TDRD5: variants seen among roughly 807,000 people sequenced by gnomAD.
The protein encoded by TDRD5 is tudor domain-containing protein 5.
Under a neutral mutation model 120.6 loss-of-function variants are expected in TDRD5, and 41 were observed. That is an observed-to-expected ratio of 0.34 (90% CI 0.26 to 0.44). The LOEUF is 0.44. TDRD5 is among the 20% of genes least tolerant of loss of function. TDRD5 has a pLI of 1.00. For synonymous variants in TDRD5, 430 were observed against 433.7 expected (o/e 0.99, Z 0.11); for missense variants, 1,006 against 1,221.2 (o/e 0.82, Z 2.63).
intron 8 of TDRD5, 89 bp from the exon 9 acceptor site, chr1:179,635,578 A>G (rs1487369344): frequency 1.7e-6 from 2 of 1,165,078 alleles, no homozygotes; most frequent in Non-Finnish European, 1.2e-6. Flanking sequence ...ATTCTGATAA[A>G]GGTGATTCAT....
At chr1:179,680,928 C>CA (rs1486302487) in intron 17 of TDRD5, among the ~76,000 whole-genome samples, 7 of 152,082 alleles carry the variant, frequency 4.6e-5, no homozygotes, top group Non-Finnish European at 1.0e-4. Context: ...AATGGACAAA[C>CA]AAAAAACAAA....
intron 15 of TDRD5, 36 bp from the exon 16 acceptor site, chr1:179,663,312 T>G (rs772917018): frequency 1.9e-6 from 3 of 1,582,770 alleles, no homozygotes; most frequent in South Asian, 2.3e-5. Flanking sequence ...ATGTTGCACT[T>G]TATCTCAGTC....
chr1:179,629,439 C>T (rs1249625199), intron 6 of TDRD5, among the ~76,000 whole-genome samples: 3 of 143,698 alleles, frequency 2.1e-5, no homozygotes, highest in Admixed American at 7.3e-5. Context: ...GGGAAAAATA[C>T]ACTAATTGAG....
intron 16 of TDRD5, among the ~76,000 whole-genome samples, chr1:179,668,462 G>A (rs1679667489): frequency 2.0e-5 from 3 of 152,194 alleles, no homozygotes; most frequent in Admixed American, 6.5e-5. Context: ...CTCTGTAAAA[G>A]CATTATGCTA....
intron 4 of TDRD5, among the ~76,000 whole-genome samples, chr1:179,605,971 TA>T (rs1442074308): frequency 1.6e-4 from 25 of 152,226 alleles, no homozygotes; most frequent in African/African-American, 6.0e-4. Flanking sequence ...GTACAGTTGC[TA>T]AATTGTCAGA....
intron 11 of TDRD5, among the ~76,000 whole-genome samples, chr1:179,641,485 G>A (rs1227612237): frequency 6.6e-6 from 1 of 151,840 alleles, no homozygotes; most frequent in Admixed American, 6.6e-5. Context: ...AGCTGAGATT[G>A]CGCCGCTGCA....
chr1:179,635,491 G>A (rs141842888), intron 8 of TDRD5, among the ~76,000 whole-genome samples, 176 bp from the exon 9 acceptor site: 11 of 152,222 alleles, frequency 7.2e-5, no homozygotes, highest in African/African-American at 2.6e-4. Flanking sequence ...ATAATTGTGG[G>A]CCCCATTCCC....
At chr1:179,654,790 A>T (rs1678912489) in intron 14 of TDRD5, among the ~76,000 whole-genome samples, 1 of 152,018 alleles carries the variant, frequency 6.6e-6, no homozygotes. Context: ...TAAAATAAGT[A>T]AAAAAATGTG....
At chr1:179,617,393 C>T (rs1203300044) in intron 4 of TDRD5, among the ~76,000 whole-genome samples, 1 of 152,142 alleles carries the variant, frequency 6.6e-6, no homozygotes, top group Non-Finnish European at 1.5e-5. Flanking sequence ...CTCTTCGTGC[C>T]TCATCACATT....
At chr1:179,625,138 A>G (rs1298240520) in intron 6 of TDRD5, among the ~76,000 whole-genome samples, 3 of 151,738 alleles carry the variant, frequency 2.0e-5, no homozygotes, top group African/African-American at 7.3e-5. Context: ...TACAAAAAAA[A>G]AAAAAAAGAA....
At chr1:179,675,977 G>A (rs563217480) in intron 17 of TDRD5, among the ~76,000 whole-genome samples, 4 of 152,216 alleles carry the variant, frequency 2.6e-5, no homozygotes, top group Non-Finnish European at 4.4e-5. Context: ...TTGTGTTGCC[G>A]TCGATATCTC....
At chr1:179,651,421 C>G (rs72706758) in intron 12 of TDRD5, among the ~76,000 whole-genome samples, 5,771 of 152,148 alleles carry the variant, frequency 0.038, 174 homozygotes, top group East Asian at 0.11. Flanking sequence ...CGAGATGGTG[C>G]TACTGCACTC....
At chr1:179,683,001 G>T (rs1467661886) in intron 17 of TDRD5, among the ~76,000 whole-genome samples, 1 of 147,968 alleles carries the variant, frequency 6.8e-6, no homozygotes, top group Non-Finnish European at 1.5e-5. Flanking sequence ...AGACCTCTCA[G>T]CAGATCCTCA....
chr1:179,635,379 A>G (rs4474210), intron 8 of TDRD5, among the ~76,000 whole-genome samples: 53,609 of 151,974 alleles, frequency 0.35, 9,580 homozygotes, highest in Admixed American at 0.42. Context: ...TTTTGTATAG[A>G]GCAATTGTGT....
intron 16 of TDRD5, among the ~76,000 whole-genome samples, chr1:179,664,364 A>G (rs1053659063): frequency 1.3e-5 from 2 of 152,186 alleles, no homozygotes; most frequent in African/African-American, 2.4e-5. Context: ...GCACAATTCA[A>G]TGTTTTTAGG....
chr1:179,659,492 CT>C (rs1558413144), intron 14 of TDRD5, among the ~76,000 whole-genome samples: 1 of 150,682 alleles, frequency 6.6e-6, no homozygotes, highest in East Asian at 2.0e-4. Flanking sequence ...TTCACAATTA[CT>C]TTTTTTGCAC....
rs1000547934 is a variant in TDRD5 at position 179,678,501 on chromosome 1, T to C, written c.2860+9097T>C. Among the ~76,000 whole-genome samples the C allele has an allele frequency of 2.6e-5, 4 of 152,182 alleles. No homozygotes were observed. The East Asian group carries it at 5.8e-4, about 22-fold the overall frequency. ...ATGATGTGAGTCTCCACATGCCACT[T>C]TGTCCGTCCAGGCAGGAGCTATAGA... On this transcript the variant is annotated intron_variant, in intron 17 of 17. Transcript: ENST00000444136.
At chr1:179,638,118 A>C (rs549449782) in intron 9 of TDRD5, among the ~76,000 whole-genome samples, 43 of 152,272 alleles carry the variant, frequency 2.8e-4, no homozygotes, top group Non-Finnish European at 4.9e-4. Context: ...GTGATGCTGG[A>C]AGACTAAGAA....
intron 8 of TDRD5, among the ~76,000 whole-genome samples, chr1:179,635,066 A>G (rs920593826): frequency 2.0e-5 from 3 of 151,784 alleles, no homozygotes; most frequent in Non-Finnish European, 4.4e-5. Context: ...GTCTCCCATT[A>G]CTTATTTTGT....
Sources: gnomAD v4.1 joint callset for allele counts (sites outside exome capture counted in the v4.1 genomes callset) on GRCh38, gnomAD v4.1.1 for gene constraint, MANE v1.5 for transcripts, NCBI Gene and HGNC (gene_info 2026-07-23, HGNC 2026-07-21) for gene names.